The following DIAPH2 variants were observed in gnomAD, a reference collection of about 807,000 sequenced individuals.
DIAPH2 encodes protein diaphanous homolog 2.
Under a neutral mutation model 92.7 loss-of-function variants are expected in DIAPH2, and 35 were observed. That is an observed-to-expected ratio of 0.38 (90% confidence interval 0.29 to 0.50). The LOEUF (loss-of-function observed/expected upper bound fraction) is 0.50, where lower values mean the gene tolerates loss of function less well. Among genes scored for constraint, DIAPH2 ranks in the 20% least tolerant of loss-of-function variants. DIAPH2 has a pLI of 0.94. For missense variants in DIAPH2, 701 were observed against 819.5 expected, an observed-to-expected ratio of 0.86 and a Z score of 1.77; for synonymous variants, 301 against 280.4, an observed-to-expected ratio of 1.07 and a Z score of -0.73.
At chrX:97,253,776 A>T (rs1001021635) in intron 23 of DIAPH2, among the ~76,000 whole-genome samples, 2 of 111,805 alleles carry the variant, frequency 1.8e-5, no homozygotes, top group African/African-American at 6.5e-5. Context: ...TAATAATAAA[A>T]AAAACAGTAA....
At chrX:96,735,631 CT>C in intron 1 of DIAPH2, 126 bp from the exon 2 acceptor site, 1 of 429,765 alleles carries the variant, frequency 2.3e-6, no homozygotes. Context: ...TATGTTTGAA[CT>C]TTCTGATTCT....
intron 4 of DIAPH2, among the ~76,000 whole-genome samples, chrX:96,796,777 G>T (rs2064543328): frequency 9.0e-6 from 1 of 111,253 alleles, no homozygotes; most frequent in Admixed American, 9.6e-5. Context: ...TATGTTATAG[G>T]TCTGACCATA....
chrX:97,129,125 T>C (rs760435614), intron 21 of DIAPH2, among the ~76,000 whole-genome samples: 17 of 86,103 alleles, frequency 2.0e-4, no homozygotes, highest in African/African-American at 7.7e-4. Context: ...TCTTTTCTTT[T>C]CTTTTCTTTT....
At chrX:97,024,819 C>T (rs1474327258) in intron 17 of DIAPH2, among the ~76,000 whole-genome samples, 3 of 111,907 alleles carry the variant, frequency 2.7e-5, no homozygotes, top group African/African-American at 9.7e-5. Flanking sequence ...CTGTTAAAAA[C>T]AGATTAACTC....
intron 24 of DIAPH2, among the ~76,000 whole-genome samples, chrX:97,378,670 C>T (rs2069524744): frequency 8.9e-6 from 1 of 111,952 alleles, no homozygotes; most frequent in Non-Finnish European, 1.9e-5. Context: ...GAAATTGTAC[C>T]ACTGCACCGC....
chrX:97,233,601 A>G (rs1052299609), intron 22 of DIAPH2, among the ~76,000 whole-genome samples: 1 of 111,666 alleles, frequency 9.0e-6, no homozygotes. Flanking sequence ...AAAGGAAGCT[A>G]TAAGATGGGA....
chrX:97,197,260 A>G (rs2067711916), intron 22 of DIAPH2, among the ~76,000 whole-genome samples: 1 of 112,021 alleles, frequency 8.9e-6, no homozygotes, highest in Non-Finnish European at 1.9e-5. Context: ...TCATAAATTT[A>G]TAGTGAGGAC....
chrX:96,792,832 A>C (rs2064510765), intron 4 of DIAPH2, among the ~76,000 whole-genome samples: 1 of 111,958 alleles, frequency 8.9e-6, no homozygotes, highest in African/African-American at 3.2e-5. Flanking sequence ...GGAGACTTAG[A>C]GTTGGTTTGT....
chrX:96,876,938 A>G (rs930334249), intron 4 of DIAPH2, among the ~76,000 whole-genome samples: 3 of 110,941 alleles, frequency 2.7e-5, no homozygotes, highest in Non-Finnish European at 3.8e-5. Flanking sequence ...TGCAAATTGC[A>G]TATTAAATTA....
intron 23 of DIAPH2, among the ~76,000 whole-genome samples, chrX:97,307,455 T>G (rs2068756663): frequency 8.9e-6 from 1 of 112,159 alleles, no homozygotes; most frequent in African/African-American, 3.2e-5. Flanking sequence ...AAGTGTGATT[T>G]ATAGACAATA....
chrX:96,772,302 T>G (rs2147615393), intron 4 of DIAPH2, among the ~76,000 whole-genome samples: 1 of 111,894 alleles, frequency 8.9e-6, no homozygotes, highest in South Asian at 3.8e-4. Context: ...ACGTGTTATA[T>G]GTATTTCTGT....
intron 4 of DIAPH2, among the ~76,000 whole-genome samples, chrX:96,871,787 GCA>G (rs1431113384): frequency 8.9e-6 from 1 of 112,294 alleles, no homozygotes; most frequent in Non-Finnish European, 1.9e-5. Flanking sequence ...AAAAACCTGT[GCA>G]TGGATGTTCA....
At chrX:97,553,203 C>T (rs898896739) in intron 26 of DIAPH2, among the ~76,000 whole-genome samples, 3 of 111,811 alleles carry the variant, frequency 2.7e-5, no homozygotes, top group African/African-American at 9.7e-5. Context: ...GTACAATTTC[C>T]CTTACACCTG....
intron 22 of DIAPH2, among the ~76,000 whole-genome samples, chrX:97,215,825 C>T (rs1005051289): frequency 7.1e-5 from 8 of 112,012 alleles, no homozygotes; most frequent in Non-Finnish European, 1.1e-4. Context: ...AGAGAATGTA[C>T]GTGTACTGTT....
At chrX:97,031,590 A>G (rs1302950214) in intron 17 of DIAPH2, among the ~76,000 whole-genome samples, 1 of 111,376 alleles carries the variant, frequency 9.0e-6, no homozygotes, top group African/African-American at 3.3e-5. Flanking sequence ...TTCTTTTGTC[A>G]ATTCACATTT....
chrX:97,276,108 C>T (rs771791384), intron 23 of DIAPH2, among the ~76,000 whole-genome samples: 4 of 112,017 alleles, frequency 3.6e-5, no homozygotes, highest in South Asian at 7.5e-4. Context: ...AACCCCGTCT[C>T]CACCAAAAAA....
intron 23 of DIAPH2, among the ~76,000 whole-genome samples, chrX:97,334,000 G>A (rs1398546439): frequency 9.0e-6 from 1 of 111,241 alleles, no homozygotes; most frequent in Non-Finnish European, 1.9e-5. Flanking sequence ...CCTAAAAACA[G>A]GTAAGGTCAT....
chrX:96,858,044 G>A (rs1486301716), intron 4 of DIAPH2, among the ~76,000 whole-genome samples: 1 of 112,370 alleles, frequency 8.9e-6, no homozygotes, highest in Non-Finnish European at 1.9e-5. Context: ...AATATTTGGA[G>A]TAAAGTATAT....
At chrX:96,815,936 G>A (rs1180272385) in intron 4 of DIAPH2, among the ~76,000 whole-genome samples, 1 of 111,457 alleles carries the variant, frequency 9.0e-6, no homozygotes, top group Non-Finnish European at 1.9e-5. Context: ...CTCCAGTAGT[G>A]CTAGGATTAC....
Sources: gnomAD v4.1 joint callset for allele counts (sites outside exome capture counted in the v4.1 genomes callset) on GRCh38, gnomAD v4.1.1 for gene constraint, MANE v1.5 for transcripts, NCBI Gene and HGNC (gene_info 2026-07-23, HGNC 2026-07-21) for gene names.